The following THSD7A variants were observed in gnomAD, a reference collection of about 807,000 sequenced individuals.
The protein encoded by THSD7A is thrombospondin type-1 domain-containing protein 7A.
Under a neutral mutation model 231.3 loss-of-function variants are expected in THSD7A, and 96 were observed. That is an observed-to-expected ratio of 0.41 (90% CI 0.35 to 0.49). The LOEUF (loss-of-function observed/expected upper bound fraction) is 0.49. Among genes scored for constraint, THSD7A ranks in the 20% least tolerant of loss-of-function variants. The pLI is 0.05. For missense variants in THSD7A, 2,290 were observed against 2,070.2 expected, an observed-to-expected ratio of 1.11 and a Z score of -2.06; for synonymous variants, 940 against 743.3, an observed-to-expected ratio of 1.26 and a Z score of -4.30.
chr7:11,482,763 C>T (rs1786482461), intron 6 of THSD7A, among the ~76,000 whole-genome samples: 1 of 152,202 alleles, frequency 6.6e-6, no homozygotes, highest in Non-Finnish European at 1.5e-5. Context: ...TCTCACTTCA[C>T]TCCCTCATTT....
chr7:11,700,784 C>G (rs978077090), intron 1 of THSD7A, among the ~76,000 whole-genome samples: 1 of 150,972 alleles, frequency 6.6e-6, no homozygotes, highest in Non-Finnish European at 1.5e-5. Context: ...ATAAGTTATT[C>G]CTGTATTCAT....
intron 6 of THSD7A, among the ~76,000 whole-genome samples, chr7:11,500,345 C>T (rs959783317): frequency 2.0e-5 from 3 of 152,128 alleles, no homozygotes; most frequent in Non-Finnish European, 2.9e-5. Context: ...AGACCACTAC[C>T]AGCTAATACA....
chr7:11,537,233 G>A (rs1461186627), intron 6 of THSD7A, among the ~76,000 whole-genome samples: 1 of 152,118 alleles, frequency 6.6e-6, no homozygotes, highest in East Asian at 1.9e-4. Context: ...GAAGAAATTG[G>A]TGGTAAAAAG....
intron 13 of THSD7A, among the ~76,000 whole-genome samples, chr7:11,437,613 C>G (rs781254446): frequency 9.9e-5 from 15 of 152,064 alleles, no homozygotes; most frequent in Non-Finnish European, 1.9e-4. Flanking sequence ...TAAATAAATT[C>G]TACCAAATGG....
intron 7 of THSD7A, among the ~76,000 whole-genome samples, chr7:11,476,993 G>A (rs1027921540): frequency 4.6e-5 from 7 of 152,066 alleles, no homozygotes; most frequent in Admixed American, 2.0e-4. Flanking sequence ...AACTATGTTA[G>A]TGTGTACTTC....
intron 6 of THSD7A, among the ~76,000 whole-genome samples, chr7:11,505,893 A>C (rs1458984161): frequency 6.6e-6 from 1 of 152,188 alleles, no homozygotes; most frequent in Non-Finnish European, 1.5e-5. Flanking sequence ...TAGTGACTTG[A>C]CATGAGAAGA....
intron 11 of THSD7A, among the ~76,000 whole-genome samples, chr7:11,448,033 T>C (rs1232277091): frequency 6.6e-6 from 1 of 152,116 alleles, no homozygotes; most frequent in African/African-American, 2.4e-5. Flanking sequence ...GAATCATTAA[T>C]GGATAAGCAA....
intron 1 of THSD7A, among the ~76,000 whole-genome samples, chr7:11,703,055 T>C (rs1188419092): frequency 1.3e-5 from 2 of 151,206 alleles, no homozygotes; most frequent in Non-Finnish European, 1.5e-5. Context: ...GCTAAGTGGC[T>C]CTTCTTTGAG....
intron 1 of THSD7A, among the ~76,000 whole-genome samples, chr7:11,748,974 C>CG (rs1782409002): frequency 6.6e-6 from 1 of 151,786 alleles, no homozygotes; most frequent in African/African-American, 2.4e-5. Flanking sequence ...TCCAGCTGAG[C>CG]GGGGAGGGGA....
chr7:11,789,295 G>GTTATGCTTTTA (rs1218866540), intron 1 of THSD7A, among the ~76,000 whole-genome samples: 1 of 152,008 alleles, frequency 6.6e-6, no homozygotes, highest in African/African-American at 2.4e-5. Flanking sequence ...GCTGGTAACT[G>GTTATGCTTTTA]TTATGCTTTT....
chr7:11,705,598 G>C (rs1245908167), intron 1 of THSD7A, among the ~76,000 whole-genome samples: 5 of 150,918 alleles, frequency 3.3e-5, no homozygotes, highest in African/African-American at 1.2e-4. Flanking sequence ...TGGAGGTGGA[G>C]GGAAGTAGGA....
At chr7:11,618,464 T>G (rs1781186474) in intron 2 of THSD7A, among the ~76,000 whole-genome samples, 1 of 152,090 alleles carries the variant, frequency 6.6e-6, no homozygotes, top group Non-Finnish European at 1.5e-5. Flanking sequence ...TTACACTCCA[T>G]TGGGGAATGA....
intron 1 of THSD7A, among the ~76,000 whole-genome samples, chr7:11,742,624 CT>C (rs1782151558): frequency 6.6e-6 from 1 of 151,904 alleles, no homozygotes; most frequent in Non-Finnish European, 1.5e-5. Flanking sequence ...AATTCACGTC[CT>C]TTCAGCTAAG....
intron 1 of THSD7A, among the ~76,000 whole-genome samples, chr7:11,685,231 G>A (rs1779995556): frequency 6.6e-6 from 1 of 151,654 alleles, no homozygotes; most frequent in Non-Finnish European, 1.5e-5. Flanking sequence ...ATTTAAGATG[G>A]ATTAAAGACT....
At chr7:11,517,411 A>G (rs1232533318) in intron 6 of THSD7A, among the ~76,000 whole-genome samples, 1 of 110,992 alleles carries the variant, frequency 9.0e-6, no homozygotes, top group African/African-American at 3.8e-5. Flanking sequence ...TCACAAAACT[A>G]CATTTTTAAA....
Position 11,748,778 on chromosome 7 carries a change from T to C in THSD7A, c.190+82979A>G, listed in dbSNP as rs183664243. Among the ~76,000 whole-genome samples, 181 of 152,044 alleles carry C rather than the reference T, an allele frequency of 1.2e-3. 1 individual carries two copies. The highest frequency in any genetic ancestry group is 4.3e-3 in the African/African-American group (177 of 41,538). ...AAAAATATTTTCTTATAAAATGAAA[T>C]AGGGCAATAGTGATATACGAATAAC... On this transcript the variant is annotated intron_variant, in intron 1 of 27. Coordinates refer to ENST00000423059, the MANE Select transcript of THSD7A (RefSeq NM_015204.3).
At chr7:11,587,938 T>A (rs539047769) in intron 4 of THSD7A, among the ~76,000 whole-genome samples, 1 of 152,182 alleles carries the variant, frequency 6.6e-6, no homozygotes, top group Non-Finnish European at 1.5e-5. Flanking sequence ...CTTGGTTATA[T>A]GTGAAAACAA....
intron 13 of THSD7A, among the ~76,000 whole-genome samples, chr7:11,437,785 A>G (rs561060064): frequency 2.0e-5 from 3 of 152,056 alleles, no homozygotes; most frequent in Non-Finnish European, 4.4e-5. Context: ...ATTAACCTCT[A>G]ATAATGAACC....
rs1782161147 is a variant in THSD7A at position 11,373,906 on chromosome 7, G to C, written c.*1888C>G. 6.6e-6 allele frequency: 1 copy of C among 151,998 alleles called. No individual in the cohort carries two copies. Among genetic ancestry groups the C allele is most frequent in the South Asian group, 2.1e-4 (1 of 4,820 alleles). The allele number at this position is 151,998 out of a possible 1,614,324, so 9.4% of individuals were successfully genotyped here. A position where few individuals can be genotyped will look rare whatever the true frequency, so the allele number is the denominator to read the frequency against. ...TGTTGCAATAATGTTGCCTGAAAAT[G>C]GTATTGCTTTTTAATGGCACCTTTT... On this transcript the variant is annotated 3_prime_UTR_variant, in exon 28 of 28. Transcript: ENST00000423059.
Sources: gnomAD v4.1 joint callset for allele counts (sites outside exome capture counted in the v4.1 genomes callset) on GRCh38, gnomAD v4.1.1 for gene constraint, MANE v1.5 for transcripts, NCBI Gene and HGNC (gene_info 2026-07-23, HGNC 2026-07-21) for gene names.